The following ADAMTS9 variants were observed in gnomAD, a reference collection of about 807,000 sequenced individuals.
ADAMTS9 encodes A disintegrin and metalloproteinase with thrombospondin motifs 9.
A neutral mutation model predicts 257.1 loss-of-function variants in ADAMTS9; 107 were observed. The ratio of observed to expected loss-of-function variants is 0.42; its 90% confidence interval spans 0.36 to 0.49. ADAMTS9 has a LOEUF of 0.49. Among genes scored for constraint, ADAMTS9 ranks in the 20% least tolerant of loss-of-function variants. ADAMTS9 has a pLI of 0.03. For synonymous variants in ADAMTS9, 982 were observed against 880.9 expected (o/e 1.11, Z -2.03); for missense variants, 2,353 against 2,469.1 (o/e 0.95, Z 1.00).
At chr3:64,651,855 A>G (rs1173835833) in intron 8 of ADAMTS9, among the ~76,000 whole-genome samples, 2 of 152,198 alleles carry the variant, frequency 1.3e-5, no homozygotes, top group African/African-American at 4.8e-5. Context: ...AGCCAGGCAC[A>G]AAAGGGTTCT....
chr3:64,619,930 T>C (rs1015070583), intron 19 of ADAMTS9, among the ~76,000 whole-genome samples: 4 of 152,186 alleles, frequency 2.6e-5, no homozygotes, highest in Non-Finnish European at 5.9e-5. Flanking sequence ...TTAACTCAAT[T>C]GGCTGAAACA....
At chr3:64,584,690 A>G (rs1045250305) in intron 28 of ADAMTS9, among the ~76,000 whole-genome samples, 2 of 152,110 alleles carry the variant, frequency 1.3e-5, no homozygotes, top group Admixed American at 6.6e-5. Context: ...AACATCATAA[A>G]GATCTCCCTT....
chr3:64,520,855 C>T (rs1271547390), intron 39 of ADAMTS9, among the ~76,000 whole-genome samples: 1 of 152,070 alleles, frequency 6.6e-6, no homozygotes, highest in East Asian at 1.9e-4. Context: ...TAGAAGAAAA[C>T]CCAGGAAATA....
intron 26 of ADAMTS9, among the ~76,000 whole-genome samples, chr3:64,597,920 C>T (rs1342996188): frequency 1.3e-5 from 2 of 152,212 alleles, no homozygotes; most frequent in Non-Finnish European, 2.9e-5. Flanking sequence ...AAGACTCAAA[C>T]TGCATTTGCA....
At chr3:64,600,340 T>C (rs560526429) in intron 26 of ADAMTS9, among the ~76,000 whole-genome samples, 93 of 152,258 alleles carry the variant, frequency 6.1e-4, no homozygotes, top group African/African-American at 2.2e-3. Flanking sequence ...TTGTCCAGCT[T>C]CAGCCTCACT....
At chr3:64,654,810 T>G in intron 6 of ADAMTS9, 198 bp from the exon 7 acceptor site, 1 of 591,508 alleles carries the variant, frequency 1.7e-6, no homozygotes, top group Admixed American at 3.1e-5. Context: ...AACTACTACA[T>G]TAAGAAGTTT....
intron 11 of ADAMTS9, among the ~76,000 whole-genome samples, chr3:64,645,938 A>G (rs1700775191): frequency 6.6e-6 from 1 of 152,248 alleles, no homozygotes; most frequent in South Asian, 2.1e-4. Flanking sequence ...GGGAAAAGAC[A>G]TAATTGACAT....
chr3:64,636,823 G>A (rs1700512181), intron 12 of ADAMTS9, among the ~76,000 whole-genome samples: 1 of 152,162 alleles, frequency 6.6e-6, no homozygotes, highest in South Asian at 2.1e-4. Flanking sequence ...TAATTGTGAT[G>A]GAGACCACAT....
intron 28 of ADAMTS9, among the ~76,000 whole-genome samples, chr3:64,581,434 T>A (rs959098455): frequency 4.6e-5 from 7 of 152,186 alleles, no homozygotes; most frequent in African/African-American, 1.7e-4. Context: ...GGCTAATTTT[T>A]GTATTTTTGG....
At chr3:64,653,731 G>A (rs1332209580) in intron 8 of ADAMTS9, among the ~76,000 whole-genome samples, 1 of 152,150 alleles carries the variant, frequency 6.6e-6, no homozygotes, top group African/African-American at 2.4e-5. Flanking sequence ...AATTTGCAGT[G>A]TTTTGCCCCA....
Position 64,686,460 on chromosome 3 carries a change from G to A in ADAMTS9, c.516+108C>T. The A allele has an allele frequency of 7.2e-7, 1 of 1,384,034 alleles. No individual in the cohort carries two copies. Among genetic ancestry groups the A allele is most frequent in the Admixed American group, 2.7e-5 (1 of 36,636 alleles). The allele number at this position is 1,384,034 out of a possible 1,614,324, so 85.7% of individuals were successfully genotyped here. ...CTAGCTGATATTTAACGCCGGAGAG[G>A]AGCGGAGCCTCGCCACAGTGAGGGT... On this transcript the variant is annotated intron_variant, in intron 2 of 39. Coordinates refer to ENST00000498707, the MANE Select transcript of ADAMTS9 (RefSeq NM_182920.2). The surrounding 1 kb of genome is among the most constrained non-coding windows in gnomAD (Gnocchi z 4.6).
chr3:64,613,421 G>A lies in ADAMTS9; in HGVS notation c.3278C>T (p.Pro1093Leu). The change falls in exon 22 of 40, where the codon CCT becomes CTT. Residue 1093 changes from proline to leucine, a missense_variant. By Grantham distance (98) the Pro-to-Leu change is moderately conservative. Coordinates refer to ENST00000498707, the MANE Select transcript of ADAMTS9 (RefSeq NM_182920.2). ...EDRLNDRMCD[P>L]ETKPTSMQTC... is the part of the protein sequence containing the mutation. ...CTGCATAGATGTTGGCTTGGTCTCA[G>A]GGTCACACATTCTATCATTTAATCG... 6.2e-7 allele frequency: 1 copy of A among 1,614,028 alleles called. No homozygotes were observed. Among genetic ancestry groups the A allele is most frequent in the Non-Finnish European group, 8.5e-7 (1 of 1,179,920 alleles).
chr3:64,675,984 G>T (rs1701615904), intron 3 of ADAMTS9, among the ~76,000 whole-genome samples: 1 of 152,158 alleles, frequency 6.6e-6, no homozygotes, highest in Admixed American at 6.6e-5. Context: ...CAATCAGGAA[G>T]TGATGGTACC....
At chr3:64,599,450 A>T (rs576490040) in intron 26 of ADAMTS9, among the ~76,000 whole-genome samples, 1 of 152,244 alleles carries the variant, frequency 6.6e-6, no homozygotes, top group Non-Finnish European at 1.5e-5. Context: ...AGAGAAGCAA[A>T]GGGAGACAGA....
At chr3:64,636,727 A>G (rs1164169538) in intron 12 of ADAMTS9, among the ~76,000 whole-genome samples, 1 of 152,198 alleles carries the variant, frequency 6.6e-6, no homozygotes, top group Non-Finnish European at 1.5e-5. Flanking sequence ...GGAAATTCAA[A>G]TTTCAGTGTC....
intron 16 of ADAMTS9, among the ~76,000 whole-genome samples, chr3:64,629,071 T>A (rs1168670708): frequency 6.6e-6 from 1 of 152,188 alleles, no homozygotes; most frequent in Non-Finnish European, 1.5e-5. Flanking sequence ...ACACACTATG[T>A]TCAATCCATC....
At chr3:64,556,790 T>C (rs1358953320) in intron 30 of ADAMTS9, among the ~76,000 whole-genome samples, 1 of 151,190 alleles carries the variant, frequency 6.6e-6, no homozygotes, top group African/African-American at 2.4e-5. Flanking sequence ...CCTTCCTTTT[T>C]TGCTTCCATC....
intron 29 of ADAMTS9, among the ~76,000 whole-genome samples, chr3:64,567,200 C>T (rs2083566087): frequency 6.6e-6 from 1 of 152,076 alleles, no homozygotes; most frequent in South Asian, 2.1e-4. Context: ...GGAGGATTCT[C>T]GAATCCTCCC....
intron 28 of ADAMTS9, 68 bp from the exon 29 acceptor site, chr3:64,568,603 C>T (rs568866717): frequency 9.0e-5 from 141 of 1,573,152 alleles, no homozygotes; most frequent in Non-Finnish European, 1.1e-4. Flanking sequence ...AAAAAACCTG[C>T]GTCTTGAGAT....
Sources: gnomAD v4.1 joint callset for allele counts (sites outside exome capture counted in the v4.1 genomes callset) on GRCh38, gnomAD v4.1.1 for gene constraint, Gnocchi (gnomAD v3.1) non-coding constraint, MANE v1.5 for transcripts, NCBI Gene and HGNC (gene_info 2026-07-23, HGNC 2026-07-21) for gene names.